The following CACNA2D1 variants were observed in gnomAD, a reference collection of about 807,000 sequenced individuals.
The protein encoded by CACNA2D1 is calcium voltage-gated channel auxiliary subunit alpha2delta 1, also known as voltage-dependent calcium channel subunit alpha-2/delta-1.
A neutral mutation model predicts 171.5 loss-of-function variants in CACNA2D1; 53 were observed. The ratio of observed to expected loss-of-function variants is 0.31; its 90% confidence interval spans 0.25 to 0.39. The LOEUF (loss-of-function observed/expected upper bound fraction) is 0.39. Ranked by LOEUF, CACNA2D1 falls within the 10% of genes least tolerant of loss-of-function variation. CACNA2D1 has a pLI of 1.00. For missense variants in CACNA2D1, 903 were observed against 1,299.8 expected (o/e 0.69, Z 4.69); for synonymous variants, 442 against 443.1 (o/e 1.00, Z 0.03).
In CACNA2D1 at chr7:82,385,655, G is replaced by GTTTTGTTTTGTTGTTTCTTGTTGTTTTTT. The variant is rs372745687; in HGVS notation, c.96-36007_96-36006insAAAAAACAACAAGAAACAACAAAACAAAA. 9.1e-3 allele frequency among the ~76,000 whole-genome samples: 1,380 copies of GTTTTGTTTTGTTGTTTCTTGTTGTTTTTT among 151,740 alleles called. 34 individuals carry two copies. Among genetic ancestry groups the GTTTTGTTTTGTTGTTTCTTGTTGTTTTTT allele is most frequent in the East Asian group, 0.091 (466 of 5,130 alleles). Reference sequence around the variant, plus strand: ...ATTTAAGGGGTTTTTTGGTTGTTTTGTTTTGTTTTGTTTTGTTTTGTTTTT... The same window carrying GTTTTGTTTTGTTGTTTCTTGTTGTTTTTT: ...ATTTAAGGGGTTTTTTGGTTGTTTTGTTTTGTTTTGTTGTTTCTTGTTGTTTTTTTTTTGTTTTGTTTTGTTTTGTTTTT... On this transcript the variant is annotated intron_variant, in intron 1 of 38. Coordinates refer to ENST00000356860, the MANE Select transcript of CACNA2D1 (RefSeq NM_000722.4).
At chr7:82,105,103 A>C (rs1422567644) in intron 6 of CACNA2D1, among the ~76,000 whole-genome samples, 1 of 152,070 alleles carries the variant, frequency 6.6e-6, no homozygotes, top group East Asian at 1.9e-4. Context: ...AAATATGGTA[A>C]TTATTTTCCC....
chr7:82,217,931 T>G lies in CACNA2D1; in HGVS notation c.295-47322A>C, dbSNP rs576672850. ...CTACATTATTTATTTATTTATTTAT[T>G]TATTTATATTTTTATTTTTTTGAGA... is the stretch of plus-strand genomic sequence containing the variant. On this transcript the variant is annotated intron_variant, in intron 3 of 38. Transcript: ENST00000356860. Among the ~76,000 whole-genome samples the G allele has an allele frequency of 7.3e-5, 11 of 150,590 alleles. No individual in the cohort carries two copies. In the East Asian group the frequency reaches 2.1e-3, roughly 29 times the overall value.
intron 3 of CACNA2D1, among the ~76,000 whole-genome samples, chr7:82,265,689 C>A (rs935972530): frequency 6.6e-6 from 1 of 152,000 alleles, no homozygotes; most frequent in Non-Finnish European, 1.5e-5. Flanking sequence ...ATTTAGCTGT[C>A]TCGAAGATGA....
intron 3 of CACNA2D1, among the ~76,000 whole-genome samples, chr7:82,281,073 G>A (rs1211971556): frequency 2.6e-5 from 4 of 152,168 alleles, no homozygotes; most frequent in African/African-American, 9.7e-5. Context: ...GTGTGATTCA[G>A]TGTTAGTTGA....
chr7:82,221,527 T>A (rs1274802233), intron 3 of CACNA2D1, among the ~76,000 whole-genome samples: 1 of 152,068 alleles, frequency 6.6e-6, no homozygotes, highest in Non-Finnish European at 1.5e-5. Context: ...GGTGGATCAC[T>A]TGAGGTCAGG....
chr7:82,443,601 C>G lies in CACNA2D1; in HGVS notation c.-142G>C. 1 of 1,380,180 alleles carries G rather than the reference C, an allele frequency of 7.2e-7. No homozygotes were observed. The allele number at this position is 1,380,180 out of a possible 1,614,324, so 85.5% of individuals were successfully genotyped here. A position where few individuals can be genotyped will look rare whatever the true frequency, so the allele number is the denominator to read the frequency against. On this transcript the variant is annotated 5_prime_UTR_variant, in exon 1 of 39. Transcript: ENST00000356860. ...CTGGCTGCGCCCGGGGCCCGAGGCG[C>G]GGAGCCGCGCGGGGGACGGCAAGGG... is the stretch of plus-strand genomic sequence containing the variant.
Position 81,995,095 on chromosome 7 carries a change from AG to A in CACNA2D1, c.1663-157del, listed in dbSNP as rs201684763. ...TTTACCAGTATCTGCAGTTGTTCTC[AG>A]GGAATTTTTTTAAGTTACCATATTA... On this transcript the variant is annotated intron_variant, in intron 19 of 38. Transcript: ENST00000356860. Among the ~76,000 whole-genome samples the A allele has an allele frequency of 0.011, 1,649 of 152,264 alleles. 31 individuals are homozygous for A. The highest frequency in any genetic ancestry group is 0.036 in the African/African-American group (1,512 of 41,558).
intron 2 of CACNA2D1, among the ~76,000 whole-genome samples, chr7:82,344,247 G>A (rs1306870219): frequency 2.0e-5 from 3 of 152,142 alleles, no homozygotes; most frequent in Admixed American, 2.0e-4. Flanking sequence ...CCTGAGTTAT[G>A]ATAATCACAA....
intron 10 of CACNA2D1, among the ~76,000 whole-genome samples, chr7:82,038,968 C>T (rs1803636293): frequency 6.6e-6 from 1 of 152,118 alleles, no homozygotes. Flanking sequence ...ACATCGTTCC[C>T]TGGATATTTC....
At chr7:82,122,625 C>G (rs1789870070) in intron 5 of CACNA2D1, among the ~76,000 whole-genome samples, 1 of 152,030 alleles carries the variant, frequency 6.6e-6, no homozygotes, top group Non-Finnish European at 1.5e-5. Context: ...AAAAGTATAC[C>G]CATATCTACA....
intron 5 of CACNA2D1, among the ~76,000 whole-genome samples, chr7:82,123,160 C>A (rs1219207004): frequency 6.6e-6 from 1 of 152,020 alleles, no homozygotes; most frequent in Non-Finnish European, 1.5e-5. Flanking sequence ...GGAAAGCAGC[C>A]CCAAAAACAT....
At position 82,443,391 on chromosome 7, in the gene CACNA2D1, C is replaced by A. The variant is rs1410295138; in HGVS notation, c.69G>T (p.Ser23=). Residue 23 remains serine (S), a synonymous_variant, in exon 1 of 39, where the codon TCG becomes TCT. Coordinates refer to ENST00000356860, the MANE Select transcript of CACNA2D1 (RefSeq NM_000722.4). ...TGACGGCCGAAGGGAACGGCTCCTC[C>A]GACGAGGGGCCGATGAGCAAAGATT... The part of the protein sequence containing the change: ...LFQSLLIGPS[S]EEPFPSAVTI... The A allele has an allele frequency of 1.6e-5, 25 of 1,604,974 alleles. No individual in the cohort carries two copies. Among genetic ancestry groups the A allele is most frequent in the East Asian group, 9.0e-5 (4 of 44,236 alleles).
intron 3 of CACNA2D1, among the ~76,000 whole-genome samples, chr7:82,194,005 C>T (rs1798603291): frequency 6.6e-6 from 1 of 151,864 alleles, no homozygotes. Context: ...ATTTTGGCAT[C>T]AAAATTATAA....
At chr7:82,369,225 G>A (rs1249246822) in intron 1 of CACNA2D1, among the ~76,000 whole-genome samples, 1 of 152,022 alleles carries the variant, frequency 6.6e-6, no homozygotes, top group Non-Finnish European at 1.5e-5. Context: ...CCTGCAGACA[G>A]TGACAGTGAC....
At chr7:82,212,147 G>A (rs1585112106) in intron 3 of CACNA2D1, among the ~76,000 whole-genome samples, 1 of 152,032 alleles carries the variant, frequency 6.6e-6, no homozygotes, top group African/African-American at 2.4e-5. Context: ...TTAGCCAGAA[G>A]GCATATAACC....
chr7:82,441,478 T>A (rs1373703522), intron 1 of CACNA2D1, among the ~76,000 whole-genome samples: 2 of 152,156 alleles, frequency 1.3e-5, no homozygotes, highest in African/African-American at 4.8e-5. Context: ...AATTGTGATG[T>A]CCTACTTCCC....
chr7:82,250,451 G>A (rs1207615679), intron 3 of CACNA2D1, among the ~76,000 whole-genome samples: 2 of 152,020 alleles, frequency 1.3e-5, no homozygotes, highest in Non-Finnish European at 2.9e-5. Context: ...AATTTCCTGT[G>A]GATATATCCT....
At chr7:81,983,481 G>A in intron 22 of CACNA2D1, 147 bp from the exon 23 acceptor site, 1 of 687,498 alleles carries the variant, frequency 1.5e-6, no homozygotes, top group Non-Finnish European at 2.6e-6. Context: ...TACAGCTGTA[G>A]TCTGAGGAAA....
intron 3 of CACNA2D1, among the ~76,000 whole-genome samples, chr7:82,229,800 G>A (rs1376498637): frequency 2.0e-5 from 3 of 151,948 alleles, no homozygotes; most frequent in African/African-American, 7.3e-5. Context: ...AAAGTGCTGG[G>A]ATTACAGGCA....
Sources: allele counts gnomAD v4.1 joint callset (sites outside exome capture counted in the v4.1 genomes callset), GRCh38; gene constraint gnomAD v4.1.1; transcripts MANE v1.5; gene names NCBI Gene and HGNC (gene_info 2026-07-23, HGNC 2026-07-21).